PRPF18: variants seen among roughly 807,000 people sequenced by gnomAD.
PRPF18 encodes pre-mRNA processing factor 18.
PRPF18 carries 38 observed loss-of-function variants against 46.5 expected under a neutral mutation model. That is an observed-to-expected ratio of 0.82 (90% CI 0.63 to 1.07). PRPF18 has a LOEUF of 1.07. PRPF18 is among the 50% of genes least tolerant of loss of function. The pLI, the probability that PRPF18 is intolerant of heterozygous loss-of-function variation, is 0.00. For missense variants in PRPF18, 263 were observed against 410.0 expected (o/e 0.64, Z 3.10); for synonymous variants, 152 against 146.7 (o/e 1.04, Z -0.26).
chr10:13,647,465 C>G, the PRPF18 span: 1 of 152,150 alleles, frequency 6.6e-6, no homozygotes, highest in Non-Finnish European at 1.5e-5. Flanking sequence ...CCTCAGGGGA[C>G]TTTTCCCACA....
the PRPF18 span, chr10:13,653,156 T>G: frequency 6.6e-6 from 1 of 151,922 alleles, no homozygotes; most frequent in Admixed American, 6.6e-5. Context: ...TCAGTAAGTG[T>G]TAGGACCCTT....
chr10:13,638,974 A>G, the PRPF18 span: 1 of 152,202 alleles, frequency 6.6e-6, no homozygotes, highest in Non-Finnish European at 1.5e-5. Context: ...CAAGCAATGT[A>G]TGCATTACTC....
the PRPF18 span, chr10:13,651,743 C>A: frequency 4.8e-6 from 3 of 620,062 alleles, no homozygotes; most frequent in South Asian, 2.0e-5. Context: ...GATGTAAGAA[C>A]CTTCAGCTAA....
At chr10:13,596,245 A>G (rs1157150698) in intron 1 of PRPF18, among the ~76,000 whole-genome samples, 1 of 152,216 alleles carries the variant, frequency 6.6e-6, no homozygotes, top group Non-Finnish European at 1.5e-5. Context: ...GCTTCCTGGC[A>G]TATTGACACT....
chr10:13,611,573 G>T, intron 5 of PRPF18, 42 bp from the exon 6 acceptor site: 1 of 1,514,016 alleles, frequency 6.6e-7, no homozygotes, highest in South Asian at 1.1e-5. Flanking sequence ...TTTAGTTGTT[G>T]CTCTGTATTA....
intron 5 of PRPF18, among the ~76,000 whole-genome samples, chr10:13,610,433 T>C (rs2080254276): frequency 6.6e-6 from 1 of 152,264 alleles, no homozygotes. Flanking sequence ...TTGGTGCTCT[T>C]GTGACCTGCA....
the PRPF18 span, chr10:13,640,495 C>T: frequency 6.6e-6 from 1 of 152,206 alleles, no homozygotes; most frequent in Non-Finnish European, 1.5e-5. Context: ...TGTGATTCAC[C>T]CCCGTGGGGA....
At chr10:13,590,452 A>AAAAT (rs1554806370) in intron 1 of PRPF18, among the ~76,000 whole-genome samples, 60 of 140,502 alleles carry the variant, frequency 4.3e-4, no homozygotes, top group Middle Eastern at 3.6e-3. Flanking sequence ...AAAAAAAAAA[A>AAAAT]ATATATATAT....
At chr10:13,624,252 A>G (rs997470635) in intron 9 of PRPF18, among the ~76,000 whole-genome samples, 2 of 152,242 alleles carry the variant, frequency 1.3e-5, no homozygotes, top group Admixed American at 1.3e-4. Context: ...TGCTGGGATT[A>G]CAGGCGTGAG....
intron 4 of PRPF18, among the ~76,000 whole-genome samples, chr10:13,606,429 T>G (rs2080184711): frequency 6.6e-6 from 1 of 152,184 alleles, no homozygotes; most frequent in Admixed American, 6.5e-5. Context: ...TGTTTCCAGC[T>G]TTGGGCTATT....
chr10:13,649,378 T>C, the PRPF18 span: 3 of 150,552 alleles, frequency 2.0e-5, no homozygotes, highest in Non-Finnish European at 4.5e-5. Context: ...GGTGTTCTCC[T>C]GTGGTTCATT....
intron 1 of PRPF18, among the ~76,000 whole-genome samples, chr10:13,590,452 A>T (rs113095797): frequency 0.026 from 3,636 of 140,466 alleles, 104 homozygotes; most frequent in African/African-American, 0.068. Flanking sequence ...AAAAAAAAAA[A>T]ATATATATAT....
chr10:13,630,460 C>T lies in PRPF18; in HGVS notation c.*120C>T. 1 of 694,352 alleles carries T rather than the reference C, an allele frequency of 1.4e-6. No homozygotes were observed. Among genetic ancestry groups the T allele is most frequent in the Non-Finnish European group, 2.4e-6 (1 of 421,492 alleles). 43.0% of individuals were successfully genotyped at this position (694,352 alleles called of 1,614,324 possible). A position where few individuals can be genotyped will look rare whatever the true frequency, so the allele number is the denominator to read the frequency against. On this transcript the variant is annotated 3_prime_UTR_variant, in exon 10 of 10. Transcript: ENST00000378572. ...TGGAGTTTCCAGTCTCTGAGTTCTA[C>T]CTGATGTAACTCTTGATTGGTTTTA... is the stretch of plus-strand genomic sequence containing the variant.
At position 13,611,596 on chromosome 10, in the gene PRPF18, A is replaced by G. The variant is rs755978674; in HGVS notation, c.511-19A>G. 1.9e-6 allele frequency: 3 copies of G among 1,607,190 alleles called. No individual in the cohort carries two copies. Among genetic ancestry groups the G allele is most frequent in the Non-Finnish European group, 1.7e-6 (2 of 1,173,872 alleles). The stretch of plus-strand genomic sequence containing the variant: ...TTGCTCTGTATTAATGAACAGAAGC[A>G]TTGTTTCTTTTTCTTCAGGCGCTTG... On this transcript the variant is annotated intron_variant, in intron 5 of 9. Coordinates refer to ENST00000378572, the MANE Select transcript of PRPF18 (RefSeq NM_003675.4).
At chr10:13,594,847 A>G (rs979599622) in intron 1 of PRPF18, among the ~76,000 whole-genome samples, 3 of 152,228 alleles carry the variant, frequency 2.0e-5, no homozygotes, top group Non-Finnish European at 4.4e-5. Flanking sequence ...ATGTCTACCA[A>G]ACACCCAAAT....
At chr10:13,596,924 T>A (rs11258463) in intron 1 of PRPF18, among the ~76,000 whole-genome samples, 2 of 151,914 alleles carry the variant, frequency 1.3e-5, no homozygotes, top group Admixed American at 1.3e-4. Flanking sequence ...AATAAAAGAG[T>A]TCACCAAGAC....
the PRPF18 span, chr10:13,654,904 G>T: frequency 9.8e-6 from 2 of 203,478 alleles, no homozygotes; most frequent in Non-Finnish European, 2.0e-5. Flanking sequence ...CTCATACAGG[G>T]AGGGCATATT....
the PRPF18 span, chr10:13,645,369 T>TCCCCCCCCCC: frequency 1.3e-5 from 1 of 75,092 alleles, no homozygotes; most frequent in Non-Finnish European, 2.7e-5. Context: ...CCCCACCCCA[T>TCCCCCCCCCC]CCCCCCACCA....
Position 13,630,479 on chromosome 10 carries a change from G to A in PRPF18, c.*139G>A, listed in dbSNP as rs1300779344. The A allele has an allele frequency of 3.8e-5, 22 of 579,728 alleles. No individual in the cohort carries two copies. The highest frequency in any genetic ancestry group is 6.1e-5 in the Non-Finnish European group (21 of 345,556). The allele number at this position is 579,728 out of a possible 1,614,324, so 35.9% of individuals were successfully genotyped here. ...GTTCTACCTGATGTAACTCTTGATTGGTTTTAAGAACTTTGTTGGCCTTCA... is the reference window on the plus strand; with the variant it reads ...GTTCTACCTGATGTAACTCTTGATTAGTTTTAAGAACTTTGTTGGCCTTCA... On this transcript the variant is annotated 3_prime_UTR_variant, in exon 10 of 10. Coordinates refer to ENST00000378572, the MANE Select transcript of PRPF18 (RefSeq NM_003675.4).
Sources: allele counts gnomAD v4.1 joint callset (sites outside exome capture counted in the v4.1 genomes callset), GRCh38; gene constraint gnomAD v4.1.1; transcripts MANE v1.5; gene names NCBI Gene and HGNC (gene_info 2026-07-23, HGNC 2026-07-21).